The following SEC24C variants were observed in gnomAD, a reference collection of about 807,000 sequenced individuals.
The protein encoded by SEC24C is protein transport protein Sec24C.
Under a neutral mutation model 117.0 loss-of-function variants are expected in SEC24C, and 22 were observed. The observed-to-expected ratio is 0.19, with a 90% CI of 0.13 to 0.27. The LOEUF (loss-of-function observed/expected upper bound fraction) is 0.27, where lower values mean the gene tolerates loss of function less well. Among genes scored for constraint, SEC24C ranks in the 10% least tolerant of loss-of-function variants. The pLI, the probability that SEC24C is intolerant of heterozygous loss-of-function variation, is 1.00. For missense variants in SEC24C, 1,155 were observed against 1,375.1 expected (o/e 0.84, Z 2.53); for synonymous variants, 506 against 529.4 (o/e 0.96, Z 0.61).
At chr10:73,749,565 A>T (rs867210637) in intron 2 of SEC24C, among the ~76,000 whole-genome samples, 1 of 141,986 alleles carries the variant, frequency 7.0e-6, no homozygotes, top group Non-Finnish European at 1.5e-5. Flanking sequence ...CTTTTTGGAG[A>T]CAGAGTCTTA....
chr10:73,747,266 TC>T (rs1433592072), intron 2 of SEC24C, among the ~76,000 whole-genome samples: 1 of 152,234 alleles, frequency 6.6e-6, no homozygotes, highest in African/African-American at 2.4e-5. Flanking sequence ...CATTGCAACC[TC>T]TGCCTCCTGG....
At chr10:73,757,904 G>A (rs1343933250) in intron 3 of SEC24C, among the ~76,000 whole-genome samples, 18 of 109,604 alleles carry the variant, frequency 1.6e-4, no homozygotes, top group African/African-American at 6.6e-4. Flanking sequence ...CTGGGTGACA[G>A]AGCGAGACCC....
intron 2 of SEC24C, among the ~76,000 whole-genome samples, chr10:73,747,577 C>A (rs921526146): frequency 2.6e-5 from 4 of 151,810 alleles, no homozygotes; most frequent in African/African-American, 4.8e-5. Context: ...TGGTCTTGAA[C>A]TCCTGACCTT....
chr10:73,769,939 C>T lies in SEC24C; in HGVS notation c.2786C>T (p.Ala929Val). ...GCTGAAGTCACTACTGATGACCGTG[C>T]CTATGTCCGACAGCTAGTTACCTCC... ...PGAEVTTDDR[A>V]YVRQLVTSMD... The change falls in exon 20 of 23, where the codon GCC becomes GTC. Residue 929 changes from alanine to valine, a missense_variant. Physicochemically the swap from Ala to Val is moderately conservative, Grantham distance 64. Transcript: ENST00000345254. The surrounding 1 kb of genome is among the most constrained non-coding windows in gnomAD (Gnocchi z 4.5). 1 of 1,614,104 alleles carries T rather than the reference C, an allele frequency of 6.2e-7. No homozygotes were observed. Among genetic ancestry groups the T allele is most frequent in the Non-Finnish European group, 8.5e-7 (1 of 1,179,986 alleles).
chr10:73,771,309 C>T lies in SEC24C; in HGVS notation c.*214C>T. ...AAGGTGCCCCTGTTCCCTCATTCTA[C>T]CCTCTTTTTCCTGCTAATCCTGTCA... is the stretch of plus-strand genomic sequence containing the variant. On this transcript the variant is annotated 3_prime_UTR_variant, in exon 23 of 23. Coordinates refer to ENST00000345254, the MANE Select transcript of SEC24C (RefSeq NM_198597.3). 1 of 571,688 alleles carries T rather than the reference C, an allele frequency of 1.7e-6. No individual in the cohort carries two copies. Among genetic ancestry groups the T allele is most frequent in the South Asian group, 2.2e-5 (1 of 45,728 alleles). The allele number at this position is 571,688 out of a possible 1,614,324, so 35.4% of individuals were successfully genotyped here. A position where few individuals can be genotyped will look rare whatever the true frequency, so the allele number is the denominator to read the frequency against.
rs71021569 is a variant in SEC24C, at chr10:73,763,667, C to CTTTTTTTTTTTTT, written c.1099+86_1099+98dup. ...CAAGATTATCAGCTTATGGTTGGGG[C>CTTTTTTTTTTTTT]TTTTTTTTTTTTTTTTTTTTTTTTT... On this transcript the variant is annotated intron_variant, in intron 7 of 22. Transcript: ENST00000345254. 5.2e-3 allele frequency: 313 copies of CTTTTTTTTTTTTT among 60,496 alleles called. 54 individuals are homozygous for CTTTTTTTTTTTTT. The highest frequency in any genetic ancestry group is 7.2e-3 in the Non-Finnish European group (235 of 32,740). 3.7% of individuals were successfully genotyped at this position (60,496 alleles called of 1,614,324 possible).
In SEC24C at chr10:73,765,821, A is replaced by T; in HGVS notation, c.1388A>T (p.His463Leu). The change falls in exon 10 of 23, where the codon CAC (histidine) becomes CTC (leucine). Residue 463 changes from histidine (H) to leucine (L), a missense_variant. This residue lies in a region of SEC24C where 759 missense variants were observed against 992.3 expected (regional missense o/e 0.76). Coordinates refer to ENST00000345254, the MANE Select transcript of SEC24C (RefSeq NM_198597.3). ...INDVPPQYFQ[H>L]LDHTGKRVDA... is the part of the protein sequence containing the mutation. Reference sequence around the variant, plus strand: ...ACAGTTCCCCCCCAGTATTTTCAGCACCTGGATCATACCGGCAAACGTGTG... The same window carrying T: ...ACAGTTCCCCCCCAGTATTTTCAGCTCCTGGATCATACCGGCAAACGTGTG... 1 of 1,614,028 alleles carries T rather than the reference A, an allele frequency of 6.2e-7. No homozygotes were observed. Among genetic ancestry groups the T allele is most frequent in the Non-Finnish European group, 8.5e-7 (1 of 1,179,946 alleles).
At chr10:73,768,979 T>C (rs200480199) in intron 16 of SEC24C, 28 bp from the exon 17 acceptor site, 5 of 1,614,256 alleles carry the variant, frequency 3.1e-6, no homozygotes, top group Non-Finnish European at 4.2e-6. Flanking sequence ...TCATACTTTT[T>C]GCCCTGACCC....
intron 3 of SEC24C, among the ~76,000 whole-genome samples, chr10:73,754,936 C>G (rs1028581614): frequency 1.5e-4 from 23 of 152,042 alleles, no homozygotes; most frequent in Non-Finnish European, 1.5e-5. Flanking sequence ...GAGTTCGAGA[C>G]AAGCCTGGGC....
At chr10:73,760,575 G>A in intron 5 of SEC24C, 138 bp from the exon 6 acceptor site, 8 of 1,160,554 alleles carry the variant, frequency 6.9e-6, no homozygotes, top group Non-Finnish European at 9.6e-6. Context: ...TGATAACATG[G>A]TATTTTTCTG....
rs1290711295 is a variant in SEC24C at position 73,763,507 on chromosome 10, T to C, written c.1005T>C (p.Asp335=). 3 of 1,612,856 alleles carry C rather than the reference T, an allele frequency of 1.9e-6. No homozygotes were observed. Residue 335 remains aspartate (D), a synonymous_variant, in exon 7 of 23, where the codon GAT becomes GAC. Coordinates refer to ENST00000345254, the MANE Select transcript of SEC24C (RefSeq NM_198597.3). ...AIPSPIQVIE[D]DRNNRGTEPF... ...CTCTGCAGATTCAGGTCATTGAAGA[T>C]GACAGGAACAACCGGGGTACAGAGC...
At chr10:73,758,851 T>TTGTG (rs111974775) in intron 3 of SEC24C, among the ~76,000 whole-genome samples, 203 of 150,560 alleles carry the variant, frequency 1.3e-3, no homozygotes, top group Non-Finnish European at 2.1e-3. Flanking sequence ...TAGTTGGTTT[T>TTGTG]TGTGTGTGTG....
intron 1 of SEC24C, among the ~76,000 whole-genome samples, chr10:73,745,797 G>A (rs988889802): frequency 1.3e-5 from 2 of 151,744 alleles, no homozygotes; most frequent in Admixed American, 6.6e-5. Flanking sequence ...TGATCTGCCC[G>A]ACTTGGCCTT....
At position 73,747,952 on chromosome 10, in the gene SEC24C, C is replaced by A. The variant is rs553360688; in HGVS notation, c.172+948C>A. 5.9e-5 allele frequency among the ~76,000 whole-genome samples: 9 copies of A among 151,864 alleles called. No homozygotes were observed. In the East Asian group the frequency reaches 1.6e-3, roughly 26 times the overall value. ...GAGATTACAGGCGTGAGCCACCACACCTGGCCACTGTTTGTATTTTTAGTA... is the reference window on the plus strand; with the variant it reads ...GAGATTACAGGCGTGAGCCACCACAACTGGCCACTGTTTGTATTTTTAGTA... On this transcript the variant is annotated intron_variant, in intron 2 of 22. Coordinates refer to ENST00000345254, the MANE Select transcript of SEC24C (RefSeq NM_198597.3).
In SEC24C at chr10:73,766,554, T is replaced by C. The variant is rs1384844799; in HGVS notation, c.1799+13T>C. On this transcript the variant is annotated intron_variant, in intron 12 of 22. Transcript: ENST00000345254. ...CAGTTATCACCAGGTAAGAGCCAGA[T>C]TGTGGAGGTAAAGGTTGGGGGTGGC... 7 of 1,597,860 alleles carry C rather than the reference T, an allele frequency of 4.4e-6. No individual in the cohort carries two copies. Among genetic ancestry groups the C allele is most frequent in the Non-Finnish European group, 6.0e-6 (7 of 1,174,274 alleles).
Position 73,766,483 on chromosome 10 carries a change from G to A in SEC24C, c.1741G>A (p.Val581Met). 2 of 1,613,896 alleles carry A rather than the reference G, an allele frequency of 1.2e-6. No homozygotes were observed. Among genetic ancestry groups the A allele is most frequent in the Non-Finnish European group, 1.7e-6 (2 of 1,180,026 alleles). The change falls in exon 12 of 23, where the codon GTG becomes ATG. Residue 581 changes from valine to methionine, a missense_variant. Val to Met is a conservative substitution (Grantham distance 21, BLOSUM62 1). This residue lies in a region of SEC24C where 759 missense variants were observed against 992.3 expected (regional missense o/e 0.76). Coordinates refer to ENST00000345254, the MANE Select transcript of SEC24C (RefSeq NM_198597.3). ...MVVSDVADMF[V>M]PLLDGFLVNV... ...TGTGTCTGATGTGGCTGACATGTTTGTGCCACTGCTGGATGGCTTCCTGGT... is the reference window on the plus strand; with the variant it reads ...TGTGTCTGATGTGGCTGACATGTTTATGCCACTGCTGGATGGCTTCCTGGT...
At position 73,746,943 on chromosome 10, in the gene SEC24C, C is replaced by T; in HGVS notation, c.111C>T (p.Pro37=). 3 of 1,614,140 alleles carry T rather than the reference C, an allele frequency of 1.9e-6. No individual in the cohort carries two copies. The highest frequency in any genetic ancestry group is 1.6e-4 in the Middle Eastern group (1 of 6,062). ...GTGGGCAATCAGGGTCCACAGCCCC[C>T]GCCATTCCCTATGGAGCCTACAATG... ...SYGGQSGSTA[P]AIPYGAYNGP... The change falls in exon 2 of 23, where the codon CCC becomes CCT. Residue 37 remains proline, a synonymous_variant. Transcript: ENST00000345254.
At position 73,763,901 on chromosome 10, in the gene SEC24C, C is replaced by T. The variant is rs1234404178; in HGVS notation, c.1145C>T (p.Pro382Leu). ...RYIRCTSYNI[P>L]CTSDMAKQAQ... ...ATCCGATGTACATCCTATAATATCCCTTGCACATCTGACATGGCTAAGCAG... is the reference window on the plus strand; with the variant it reads ...ATCCGATGTACATCCTATAATATCCTTTGCACATCTGACATGGCTAAGCAG... Residue 382 changes from proline (P) to leucine (L), a missense_variant, in exon 8 of 23, where the codon CCT (proline) becomes CTT (leucine). Around this residue, in one of 2 missense-constraint regions of SEC24C, gnomAD observed 759 missense variants for 992.3 expected, o/e 0.76. Coordinates refer to ENST00000345254, the MANE Select transcript of SEC24C (RefSeq NM_198597.3). 1.9e-6 allele frequency: 3 copies of T among 1,613,690 alleles called. No homozygotes were observed. The highest frequency in any genetic ancestry group is 2.5e-6 in the Non-Finnish European group (3 of 1,179,926).
At chr10:73,755,018 A>G (rs2082690448) in intron 3 of SEC24C, among the ~76,000 whole-genome samples, 1 of 152,154 alleles carries the variant, frequency 6.6e-6, no homozygotes, top group South Asian at 2.1e-4. Flanking sequence ...CTGTGGTCCC[A>G]GCTTCTTGGG....
Sources: allele counts gnomAD v4.1 joint callset (sites outside exome capture counted in the v4.1 genomes callset), GRCh38; gene constraint gnomAD v4.1.1; regional missense constraint gnomAD v4.1.1; non-coding constraint Gnocchi (gnomAD v3.1); transcripts MANE v1.5; gene names NCBI Gene and HGNC (gene_info 2026-07-23, HGNC 2026-07-21).